Variants in GLIS3 observed in about 807,000 individuals in gnomAD.
GLIS3 encodes zinc finger protein GLIS3.
Under a neutral mutation model 78.6 loss-of-function variants are expected in GLIS3, and 53 were observed. That is an observed-to-expected ratio of 0.67 (90% CI 0.54 to 0.85). The LOEUF (loss-of-function observed/expected upper bound fraction) is 0.85. Ranked by LOEUF, GLIS3 falls within the 40% of genes least tolerant of loss-of-function variation. The pLI is 0.00. For missense variants in GLIS3, 1,703 were observed against 1,231.1 expected, an observed-to-expected ratio of 1.38 and a Z score of -5.74; for synonymous variants, 684 against 509.9, an observed-to-expected ratio of 1.34 and a Z score of -4.60.
chr9:3,906,129 T>G (rs1285742420), intron 6 of GLIS3, among the ~76,000 whole-genome samples: 1 of 152,296 alleles, frequency 6.6e-6, no homozygotes, highest in Non-Finnish European at 1.5e-5. Context: ...CTGGACAAAT[T>G]GCCAGAGGTC....
chr9:4,317,466 G>A (rs12345136), intron 2 of GLIS3, among the ~76,000 whole-genome samples: 4,682 of 152,288 alleles, frequency 0.031, 221 homozygotes, highest in African/African-American at 0.097. Context: ...TAATTGGTAT[G>A]TCTTTAGGAA....
intron 4 of GLIS3, among the ~76,000 whole-genome samples, chr9:4,073,533 TAGGCAA>T (rs1827791549): frequency 6.6e-6 from 1 of 152,092 alleles, no homozygotes; most frequent in Non-Finnish European, 1.5e-5. Flanking sequence ...GTGGGACAGG[TAGGCAA>T]AGCTAGCTAA....
chr9:4,411,588 C>T, the GLIS3 span, among the ~76,000 whole-genome samples: 1 of 152,208 alleles, frequency 6.6e-6, no homozygotes, highest in Non-Finnish European at 1.5e-5. Flanking sequence ...GTCCCATCTT[C>T]TCATTCTGCT....
intron 8 of GLIS3, among the ~76,000 whole-genome samples, chr9:3,858,156 T>G (rs1819911577): frequency 6.6e-6 from 1 of 152,186 alleles, no homozygotes; most frequent in Non-Finnish European, 1.5e-5. Flanking sequence ...TCCTAGGTTG[T>G]AAATCAAAGA....
chr9:3,915,628 G>A (rs1402357850), intron 6 of GLIS3, among the ~76,000 whole-genome samples: 2 of 152,144 alleles, frequency 1.3e-5, no homozygotes, highest in Non-Finnish European at 2.9e-5. Flanking sequence ...TCAGCGGTCT[G>A]CTGTGTCTAA....
chr9:4,337,347 G>C lies in GLIS3; in HGVS notation n.264+9734C>G, dbSNP rs977590612. Among the ~76,000 whole-genome samples, 3 of 152,158 alleles carry C rather than the reference G, an allele frequency of 2.0e-5. No homozygotes were observed. The South Asian group carries it at 6.2e-4, about 32-fold the overall frequency. ...ATCAGAAAATAGTTAATTAAATACAGCCATATGATTAGATAGTATGCAGCT... is the reference window on the plus strand; with the variant it reads ...ATCAGAAAATAGTTAATTAAATACACCCATATGATTAGATAGTATGCAGCT... On this transcript the variant is annotated intron_variant and non_coding_transcript_variant, in intron 2 of 4. Coordinates refer to the GLIS3 transcript ENST00000471664.
chr9:4,068,760 C>A (rs1436359302), intron 4 of GLIS3, among the ~76,000 whole-genome samples: 4 of 151,978 alleles, frequency 2.6e-5, no homozygotes, highest in Non-Finnish European at 5.9e-5. Context: ...AAAAAGAGCA[C>A]TGTCAAGGGA....
At chr9:4,480,903 G>C in the GLIS3 span, among the ~76,000 whole-genome samples, 3 of 151,022 alleles carry the variant, frequency 2.0e-5, no homozygotes, top group Non-Finnish European at 4.4e-5. Flanking sequence ...GCTGAGGCTA[G>C]AGTACAGTAG....
intron 2 of GLIS3, among the ~76,000 whole-genome samples, chr9:4,314,737 G>T (rs1256026177): frequency 6.6e-6 from 1 of 152,240 alleles, no homozygotes; most frequent in Non-Finnish European, 1.5e-5. Context: ...ACTGGGTTTA[G>T]ATTTCAGCTT....
intron 2 of GLIS3, among the ~76,000 whole-genome samples, chr9:4,259,451 CAAGG>C (rs1247027877): frequency 6.6e-6 from 1 of 152,000 alleles, no homozygotes; most frequent in African/African-American, 2.4e-5. Flanking sequence ...GAAGAAAATA[CAAGG>C]AAGTTAGGGG....
At chr9:3,911,713 G>T (rs902300909) in intron 6 of GLIS3, among the ~76,000 whole-genome samples, 16 of 152,124 alleles carry the variant, frequency 1.1e-4, no homozygotes, top group African/African-American at 3.9e-4. Flanking sequence ...AGTTTTCTTT[G>T]TAAGATGTGG....
At chr9:4,000,253 C>A (rs1288067987) in intron 4 of GLIS3, among the ~76,000 whole-genome samples, 1 of 152,084 alleles carries the variant, frequency 6.6e-6, no homozygotes, top group African/African-American at 2.4e-5. Flanking sequence ...TAGTAGGATC[C>A]TATTATATAC....
chr9:4,108,337 A>C (rs1830933526), intron 4 of GLIS3, among the ~76,000 whole-genome samples: 1 of 152,152 alleles, frequency 6.6e-6, no homozygotes, highest in Admixed American at 6.5e-5. Flanking sequence ...TTCTTTCCCA[A>C]AAGCAAGCCT....
At chr9:4,008,825 C>A (rs1563943103) in intron 4 of GLIS3, among the ~76,000 whole-genome samples, 1 of 152,186 alleles carries the variant, frequency 6.6e-6, no homozygotes, top group African/African-American at 2.4e-5. Flanking sequence ...GTTCCAACAT[C>A]CACCTTTTAT....
At chr9:4,172,698 G>A (rs1016817483) in intron 2 of GLIS3, among the ~76,000 whole-genome samples, 2 of 152,176 alleles carry the variant, frequency 1.3e-5, no homozygotes, top group Non-Finnish European at 2.9e-5. Flanking sequence ...CCTCTCCACA[G>A]GTTAGGGTGA....
chr9:4,382,512 T>G, the GLIS3 span, among the ~76,000 whole-genome samples: 4 of 152,188 alleles, frequency 2.6e-5, no homozygotes, highest in East Asian at 3.9e-4. Flanking sequence ...ATCATCTTGC[T>G]TAGTCTGAAT....
intron 7 of GLIS3, among the ~76,000 whole-genome samples, chr9:3,882,267 A>G (rs1821780747): frequency 6.6e-6 from 1 of 152,216 alleles, no homozygotes; most frequent in African/African-American, 2.4e-5. Context: ...AGGGACAGAA[A>G]GGAACATTTA....
intron 8 of GLIS3, among the ~76,000 whole-genome samples, chr9:3,864,952 C>T (rs776918419): frequency 5.3e-5 from 8 of 152,080 alleles, no homozygotes; most frequent in Non-Finnish European, 1.0e-4. Flanking sequence ...GTTCCACAGA[C>T]CTGGTTCTCA....
chr9:3,992,374 T>C (rs1471042895), intron 4 of GLIS3, among the ~76,000 whole-genome samples: 1 of 152,226 alleles, frequency 6.6e-6, no homozygotes, highest in Non-Finnish European at 1.5e-5. Flanking sequence ...TAGTTGCTTC[T>C]CTTGGGAATG....
Sources: allele counts gnomAD v4.1 joint callset (sites outside exome capture counted in the v4.1 genomes callset), GRCh38; gene constraint gnomAD v4.1.1; transcripts MANE v1.5; gene names NCBI Gene and HGNC (gene_info 2026-07-23, HGNC 2026-07-21).